Variants in SORL1 observed in about 807,000 individuals in gnomAD.
SORL1 encodes sortilin related receptor 1.
SORL1 carries 127 observed loss-of-function variants against 273.7 expected under a neutral mutation model. That is an observed-to-expected ratio of 0.46 (90% confidence interval 0.40 to 0.54). The LOEUF (loss-of-function observed/expected upper bound fraction) is 0.54, where lower values mean the gene tolerates loss of function less well. SORL1 is among the 20% of genes least tolerant of loss of function. The pLI is 0.00. For synonymous variants in SORL1, 1,031 were observed against 1,067.4 expected, an observed-to-expected ratio of 0.97 and a Z score of 0.66; for missense variants, 2,494 against 2,846.1, an observed-to-expected ratio of 0.88 and a Z score of 2.81.
At chr11:121,619,969 G>C (rs761566541) in intron 43 of SORL1, 52 bp downstream of exon 43, 1 of 1,458,236 alleles carries the variant, frequency 6.9e-7, no homozygotes, top group Non-Finnish European at 9.6e-7. Context: ...CCTGGTTAGG[G>C]TGGGGTGGGA....
intron 14 of SORL1, among the ~76,000 whole-genome samples, chr11:121,547,256 C>T (rs986372798): frequency 1.3e-5 from 2 of 151,460 alleles, no homozygotes; most frequent in Non-Finnish European, 2.9e-5. Flanking sequence ...TCCCCTCTTC[C>T]TATCCCCAAT....
chr11:121,621,058 T>A lies in SORL1; in HGVS notation c.5890-6T>A. The stretch of plus-strand genomic sequence containing the variant: ...TTATCATTCACTTGTTCTTTTTTGG[T>A]CCTAGTTGTATGCAGTTGCAGTCAA... On this transcript the variant is annotated splice_polypyrimidine_tract_variant and splice_region_variant and intron_variant, in intron 43 of 47. Transcript: ENST00000260197. 1 of 1,599,898 alleles carries A rather than the reference T, an allele frequency of 6.3e-7. No individual in the cohort carries two copies. The highest frequency in any genetic ancestry group is 1.1e-5 in the South Asian group (1 of 89,724).
chr11:121,595,862 C>CACAG lies in SORL1; in HGVS notation c.4519+90_4519+91insACAG. On this transcript the variant is annotated intron_variant, in intron 32 of 47. Coordinates refer to ENST00000260197, the MANE Select transcript of SORL1 (RefSeq NM_003105.6). This position sits in a 1 kb window ranked among gnomAD's most constrained non-coding sequence, Gnocchi z 5.1. ...TCTGCTTCATTTCTGGATCAGCACA[C>CACAG]GCCTGTGTGTGAGTCTGTGTACTTG... The CACAG allele has an allele frequency of 7.1e-7, 1 of 1,405,484 alleles. No homozygotes were observed. Among genetic ancestry groups the CACAG allele is most frequent in the Non-Finnish European group, 9.7e-7 (1 of 1,027,934 alleles). The allele number at this position is 1,405,484 out of a possible 1,614,324, so 87.1% of individuals were successfully genotyped here. A position where few individuals can be genotyped will look rare whatever the true frequency, so the allele number is the denominator to read the frequency against.
At chr11:121,479,501 G>A (rs1279723281) in intron 3 of SORL1, among the ~76,000 whole-genome samples, 1 of 152,182 alleles carries the variant, frequency 6.6e-6, no homozygotes, top group Non-Finnish European at 1.5e-5. Flanking sequence ...CTCCTAGCAG[G>A]GGCTGCATTC....
At chr11:121,491,263 G>A (rs908500690) in intron 5 of SORL1, among the ~76,000 whole-genome samples, 1 of 152,184 alleles carries the variant, frequency 6.6e-6, no homozygotes, top group East Asian at 1.9e-4. Flanking sequence ...TACCCCTGTA[G>A]TTTTGTGAGA....
intron 9 of SORL1, among the ~76,000 whole-genome samples, chr11:121,521,465 G>T (rs998726304): frequency 2.6e-5 from 4 of 152,122 alleles, no homozygotes; most frequent in Admixed American, 2.6e-4. Flanking sequence ...CGAATTAATG[G>T]TATCATTCAA....
intron 45 of SORL1, among the ~76,000 whole-genome samples, chr11:121,624,009 AAG>A (rs1863759704): frequency 1.3e-5 from 2 of 152,320 alleles, no homozygotes; most frequent in South Asian, 4.1e-4. Context: ...GCGGCAGACA[AAG>A]AGAGAATGAG....
chr11:121,500,951 A>G (rs1462668149), intron 6 of SORL1, among the ~76,000 whole-genome samples: 3 of 152,196 alleles, frequency 2.0e-5, no homozygotes, highest in African/African-American at 4.8e-5. Context: ...TTTGCTCTCT[A>G]ATGTTGATCA....
intron 1 of SORL1, among the ~76,000 whole-genome samples, chr11:121,454,677 A>G (rs1860871365): frequency 6.6e-6 from 1 of 152,190 alleles, no homozygotes; most frequent in Non-Finnish European, 1.5e-5. Context: ...ATTAATTTGA[A>G]TCTGTAAGGA....
At chr11:121,557,901 C>T (rs1196111542) in intron 19 of SORL1, among the ~76,000 whole-genome samples, 7 of 152,124 alleles carry the variant, frequency 4.6e-5, no homozygotes, top group Non-Finnish European at 1.5e-5. Flanking sequence ...GACATTCTGG[C>T]TTTTCCTCTC....
intron 20 of SORL1, 152 bp downstream of exon 20, chr11:121,558,989 T>G: frequency 9.9e-7 from 1 of 1,014,426 alleles, no homozygotes; most frequent in Non-Finnish European, 1.4e-6. Context: ...TTTCAGCCTA[T>G]GGAGGGATGC....
At chr11:121,524,984 A>G (rs1862099689) in intron 11 of SORL1, among the ~76,000 whole-genome samples, 1 of 152,188 alleles carries the variant, frequency 6.6e-6, no homozygotes, top group Non-Finnish European at 1.5e-5. Context: ...TTATTGAAGC[A>G]GATAAGGGGA....
At chr11:121,590,237 G>A (rs1000151359) in intron 30 of SORL1, 63 bp downstream of exon 30, 23 of 1,530,748 alleles carry the variant, frequency 1.5e-5, no homozygotes, top group Non-Finnish European at 1.6e-5. Context: ...AGTTCCACCA[G>A]CTATGCAGGA....
At chr11:121,574,212 G>A (rs1862890610) in intron 23 of SORL1, 29 bp from the exon 24 acceptor site, 1 of 1,610,928 alleles carries the variant, frequency 6.2e-7, no homozygotes, top group Non-Finnish European at 8.5e-7. Context: ...TGTACCTAAG[G>A]AATATGTTGT....
In SORL1 at chr11:121,595,811, T is replaced by G; in HGVS notation, c.4519+39T>G. The G allele has an allele frequency of 6.2e-7, 1 of 1,601,246 alleles. No homozygotes were observed. The highest frequency in any genetic ancestry group is 8.5e-7 in the Non-Finnish European group (1 of 1,176,836). On this transcript the variant is annotated intron_variant, in intron 32 of 47. Transcript: ENST00000260197. The surrounding 1 kb of genome is among the most constrained non-coding windows in gnomAD (Gnocchi z 5.1). Reference sequence around the variant, plus strand: ...GAGCCCTTCACCCCCTGGGCACGTTTCTGCAGAGAGCACAGTTCTGGTGCT... The same window carrying G: ...GAGCCCTTCACCCCCTGGGCACGTTGCTGCAGAGAGCACAGTTCTGGTGCT...
In SORL1 at chr11:121,633,272, T is replaced by C. The variant is rs915669262; in HGVS notation, c.*3709T>C. 4 of 152,228 alleles carry C rather than the reference T, an allele frequency of 2.6e-5. No homozygotes were observed. Among genetic ancestry groups the C allele is most frequent in the African/African-American group, 9.6e-5 (4 of 41,466 alleles). The allele number at this position is 152,228 out of a possible 1,614,324, so 9.4% of individuals were successfully genotyped here. A position where few individuals can be genotyped will look rare whatever the true frequency, so the allele number is the denominator to read the frequency against. On this transcript the variant is annotated 3_prime_UTR_variant, in exon 48 of 48. Transcript: ENST00000260197. ...CCACTAATTTTGAGCAGCCATATTATGAATTAAATCGTCACAGCCAAGTAA... is the reference window on the plus strand; with the variant it reads ...CCACTAATTTTGAGCAGCCATATTACGAATTAAATCGTCACAGCCAAGTAA...
At chr11:121,484,418 A>G (rs929343904) in intron 3 of SORL1, among the ~76,000 whole-genome samples, 6 of 152,178 alleles carry the variant, frequency 3.9e-5, no homozygotes, top group African/African-American at 1.2e-4. Flanking sequence ...TGCCAATAGC[A>G]CTGAGAGGAA....
chr11:121,596,853 G>T lies in SORL1; in HGVS notation c.4519+1081G>T, dbSNP rs150516766. ...ATTTTTTTTTTAATCTTAAAATAAT[G>T]ACTTCCTCAACCAATGAAAAACTGA... On this transcript the variant is annotated intron_variant, in intron 32 of 47. Coordinates refer to ENST00000260197, the MANE Select transcript of SORL1 (RefSeq NM_003105.6). This position sits in a 1 kb window ranked among gnomAD's most constrained non-coding sequence, Gnocchi z 4.3. Among the ~76,000 whole-genome samples, 44 of 151,910 alleles carry T rather than the reference G, an allele frequency of 2.9e-4. No individual in the cohort carries two copies. Among genetic ancestry groups the T allele is most frequent in the Middle Eastern group, 3.4e-3 (1 of 294 alleles).
At chr11:121,493,145 A>AT (rs1407898513) in intron 5 of SORL1, among the ~76,000 whole-genome samples, 1 of 151,988 alleles carries the variant, frequency 6.6e-6, no homozygotes, top group African/African-American at 2.4e-5. Context: ...TCCCTAGCTA[A>AT]TTTTTACATT....
Sources: allele counts gnomAD v4.1 joint callset (sites outside exome capture counted in the v4.1 genomes callset), GRCh38; gene constraint gnomAD v4.1.1; non-coding constraint Gnocchi (gnomAD v3.1); transcripts MANE v1.5; gene names NCBI Gene and HGNC (gene_info 2026-07-23, HGNC 2026-07-21).